DPP10: variants seen among roughly 807,000 people sequenced by gnomAD.
The protein encoded by DPP10 is dipeptidyl peptidase like 10.
DPP10 carries 33 observed loss-of-function variants against 120.9 expected under a neutral mutation model. The observed-to-expected ratio is 0.27, with a 90% CI of 0.21 to 0.37. The LOEUF (loss-of-function observed/expected upper bound fraction) is 0.37, where lower values mean the gene tolerates loss of function less well. Among genes scored for constraint, DPP10 ranks in the 10% least tolerant of loss-of-function variants. DPP10 has a pLI of 1.00. For synonymous variants in DPP10, 337 were observed against 326.1 expected (o/e 1.03, Z -0.36); for missense variants, 816 against 942.8 (o/e 0.87, Z 1.76).
intron 2 of DPP10, among the ~76,000 whole-genome samples, chr2:115,331,882 C>T (rs897590820): frequency 8.6e-5 from 13 of 151,964 alleles, no homozygotes; most frequent in African/African-American, 2.9e-4. Context: ...GTCTAAAATT[C>T]TCTTTTTTTT....
At chr2:115,398,624 A>AATT (rs1477802289) in intron 3 of DPP10, among the ~76,000 whole-genome samples, 1 of 151,986 alleles carries the variant, frequency 6.6e-6, no homozygotes, top group Non-Finnish European at 1.5e-5. Flanking sequence ...AGTTCTCAAT[A>AATT]GTCTATGGTG....
At chr2:114,462,614 T>C (rs889086117) in intron 1 of DPP10, among the ~76,000 whole-genome samples, 5 of 152,220 alleles carry the variant, frequency 3.3e-5, no homozygotes, top group African/African-American at 2.4e-5. Context: ...CAAGGGTCTA[T>C]GCTATCAACG....
At chr2:115,565,343 T>A (rs2080934453) in intron 5 of DPP10, among the ~76,000 whole-genome samples, 1 of 152,208 alleles carries the variant, frequency 6.6e-6, no homozygotes, top group South Asian at 2.1e-4. Context: ...TATATAGCTA[T>A]TTTTTCTGAA....
At chr2:114,630,969 T>C (rs997531703) in intron 1 of DPP10, among the ~76,000 whole-genome samples, 2 of 152,118 alleles carry the variant, frequency 1.3e-5, no homozygotes, top group Non-Finnish European at 2.9e-5. Context: ...CATTGGTATC[T>C]AGTTGATGCC....
intron 2 of DPP10, among the ~76,000 whole-genome samples, chr2:115,317,636 T>TC (rs2061858688): frequency 6.6e-6 from 1 of 151,904 alleles, no homozygotes; most frequent in Non-Finnish European, 1.5e-5. Context: ...TCTTTTCTTT[T>TC]TTTTTTTTTT....
At chr2:114,924,016 G>T (rs1025163069) in intron 1 of DPP10, among the ~76,000 whole-genome samples, 5 of 152,020 alleles carry the variant, frequency 3.3e-5, no homozygotes, top group Admixed American at 2.0e-4. Flanking sequence ...GAGCCACTGG[G>T]CCCAGCTTGA....
At chr2:115,338,882 C>G (rs909332845) in intron 2 of DPP10, among the ~76,000 whole-genome samples, 1 of 151,880 alleles carries the variant, frequency 6.6e-6, no homozygotes, top group African/African-American at 2.4e-5. Flanking sequence ...GTTTCAAGAC[C>G]AAGAAATAGG....
intron 3 of DPP10, among the ~76,000 whole-genome samples, chr2:115,482,242 T>A (rs2075479452): frequency 6.6e-6 from 1 of 151,844 alleles, no homozygotes; most frequent in Admixed American, 6.6e-5. Flanking sequence ...AAATAATTTT[T>A]ATTGTGTCTA....
At chr2:114,606,881 T>C (rs757315442) in intron 1 of DPP10, among the ~76,000 whole-genome samples, 2 of 152,164 alleles carry the variant, frequency 1.3e-5, no homozygotes, top group African/African-American at 4.8e-5. Context: ...AGCATATTGT[T>C]GAAAAGATGG....
At chr2:115,832,227 ACCTGTAATC>A (rs2150103985) in intron 21 of DPP10, among the ~76,000 whole-genome samples, 1 of 152,344 alleles carries the variant, frequency 6.6e-6, no homozygotes, top group Admixed American at 6.5e-5. Context: ...GGTGGGGCAC[ACCTGTAATC>A]CCAGTTCTTT....
chr2:114,833,503 G>C (rs1167317035), intron 1 of DPP10: 1 of 152,122 alleles, frequency 6.6e-6, no homozygotes, highest in Non-Finnish European at 1.5e-5. Context: ...AGCTCAGAAG[G>C]AGTGAGCATA....
At chr2:115,342,042 A>G in intron 2 of DPP10, 1 of 411,686 alleles carries the variant, frequency 2.4e-6, no homozygotes, top group Non-Finnish European at 4.8e-6. Context: ...AAGTGACTGT[A>G]CCATTTTGCA....
At chr2:114,638,633 T>A (rs1157239304) in intron 1 of DPP10, among the ~76,000 whole-genome samples, 3 of 151,816 alleles carry the variant, frequency 2.0e-5, no homozygotes, top group Non-Finnish European at 4.4e-5. Flanking sequence ...TAACAGATGC[T>A]GGTAAGGCTG....
At chr2:115,507,874 A>G (rs1023313906) in intron 4 of DPP10, among the ~76,000 whole-genome samples, 1 of 152,138 alleles carries the variant, frequency 6.6e-6, no homozygotes, top group Non-Finnish European at 1.5e-5. Flanking sequence ...GGTGTGAACT[A>G]TGTACAGGGA....
In DPP10 at chr2:115,843,836, C is replaced by T. The variant is rs1259030887; in HGVS notation, c.*1491C>T. The T allele has an allele frequency of 5.9e-5, 9 of 152,578 alleles. No homozygotes were observed. The highest frequency in any genetic ancestry group is 1.5e-5 in the Non-Finnish European group (1 of 68,014). 9.5% of individuals were successfully genotyped at this position (152,578 alleles called of 1,614,324 possible). ...AGTTCAGATAAATCTAGGCAGGATA[C>T]TGCATTTTTGTGGTTTTAAAAAAGT... On this transcript the variant is annotated 3_prime_UTR_variant, in exon 26 of 26. Coordinates refer to ENST00000410059, the MANE Select transcript of DPP10 (RefSeq NM_020868.6).
chr2:115,429,928 G>A (rs531274642), intron 3 of DPP10, among the ~76,000 whole-genome samples: 30 of 152,258 alleles, frequency 2.0e-4, no homozygotes, highest in East Asian at 5.8e-4. Context: ...AACCTGGAGC[G>A]TGTTTAGAGG....
At chr2:114,710,422 G>A (rs1303368783) in intron 1 of DPP10, among the ~76,000 whole-genome samples, 1 of 152,188 alleles carries the variant, frequency 6.6e-6, no homozygotes, top group African/African-American at 2.4e-5. Flanking sequence ...CACCTACTGT[G>A]TGCTAAGTAC....
intron 1 of DPP10, among the ~76,000 whole-genome samples, chr2:115,155,237 C>T (rs2051830069): frequency 6.6e-6 from 1 of 152,028 alleles, no homozygotes; most frequent in African/African-American, 2.4e-5. Context: ...ATATTAGAAA[C>T]TAAAGGCATT....
chr2:114,930,505 A>C (rs981464743), intron 1 of DPP10, among the ~76,000 whole-genome samples: 2 of 152,228 alleles, frequency 1.3e-5, no homozygotes, highest in African/African-American at 4.8e-5. Context: ...GCTAAGGCTA[A>C]TAAGGATGAC....
Sources: gnomAD v4.1 joint callset for allele counts (sites outside exome capture counted in the v4.1 genomes callset) on GRCh38, gnomAD v4.1.1 for gene constraint, MANE v1.5 for transcripts, NCBI Gene and HGNC (gene_info 2026-07-23, HGNC 2026-07-21) for gene names.